Variants in WWOX observed in about 807,000 individuals in gnomAD.
WWOX encodes WW domain-containing oxidoreductase.
WWOX carries 69 observed loss-of-function variants against 46.2 expected under a neutral mutation model. The observed-to-expected ratio is 1.49, with a 90% CI of 1.23 to 1.82. The LOEUF (loss-of-function observed/expected upper bound fraction) is 1.82, where lower values mean the gene tolerates loss of function less well. Among genes scored for constraint, WWOX ranks in the 40% most tolerant of loss-of-function variants. The pLI is 0.00. For missense variants in WWOX, 919 were observed against 542.6 expected (o/e 1.69, Z -6.89); for synonymous variants, 359 against 202.6 (o/e 1.77, Z -6.56).
intron 5 of WWOX, among the ~76,000 whole-genome samples, chr16:78,307,636 A>C (rs1047745085): frequency 1.3e-5 from 2 of 152,182 alleles, no homozygotes; most frequent in African/African-American, 4.8e-5. Context: ...TGACGTCCAG[A>C]ATGATAAGAG....
chr16:79,181,554 A>C (rs1474994471), intron 8 of WWOX, among the ~76,000 whole-genome samples: 1 of 151,966 alleles, frequency 6.6e-6, no homozygotes, highest in Admixed American at 6.6e-5. Context: ...AACTCTTGGT[A>C]GGGGTTTTTT....
chr16:78,753,413 G>A (rs117513730), intron 8 of WWOX, among the ~76,000 whole-genome samples: 807 of 152,208 alleles, frequency 5.3e-3, no homozygotes, highest in Middle Eastern at 0.01. Context: ...ATTGGGGTTG[G>A]GAGGACCAGT....
At chr16:78,293,950 C>T (rs1337911288) in intron 5 of WWOX, among the ~76,000 whole-genome samples, 4 of 116,296 alleles carry the variant, frequency 3.4e-5, no homozygotes, top group Non-Finnish European at 1.6e-5. Context: ...GCACTCTAGC[C>T]TGGGCGACAG....
At chr16:78,353,628 A>G (rs538871332) in intron 5 of WWOX, among the ~76,000 whole-genome samples, 1 of 152,270 alleles carries the variant, frequency 6.6e-6, no homozygotes, top group East Asian at 1.9e-4. Flanking sequence ...AATTAGTATT[A>G]TCTTTGCCAT....
intron 8 of WWOX, among the ~76,000 whole-genome samples, chr16:78,539,114 C>G (rs1053382103): frequency 1.3e-5 from 2 of 152,218 alleles, no homozygotes; most frequent in Non-Finnish European, 2.9e-5. Flanking sequence ...TAACTTGTGC[C>G]TGCCTGTCTG....
intron 8 of WWOX, among the ~76,000 whole-genome samples, chr16:79,174,531 C>T (rs533351336): frequency 6.6e-6 from 1 of 152,204 alleles, no homozygotes; most frequent in African/African-American, 2.4e-5. Flanking sequence ...TGCCTATAAT[C>T]CCAGCTACTC....
rs200461412 is a variant in WWOX, at chr16:79,211,692, C to A, written c.1141C>A (p.Arg381Ser). Residue 381 changes from arginine (R) to serine (S), a missense_variant, in exon 9 of 9, where the codon CGC becomes AGC. Transcript: ENST00000566780. ...AGGGATGTACTTCAACAACTGCTGC[C>A]GCTGCATGCCCTCACCAGAAGCTCA... ...LGGMYFNNCCRCMPSPEAQSE... is the reference protein window; with the variant it reads ...LGGMYFNNCCSCMPSPEAQSE... 2 of 1,614,218 alleles carry A rather than the reference C, an allele frequency of 1.2e-6. No homozygotes were observed. The highest frequency in any genetic ancestry group is 1.7e-6 in the Non-Finnish European group (2 of 1,180,048).
At chr16:78,480,923 C>A (rs1246921341) in intron 8 of WWOX, among the ~76,000 whole-genome samples, 1 of 152,172 alleles carries the variant, frequency 6.6e-6, no homozygotes, top group African/African-American at 2.4e-5. Flanking sequence ...GCAAAAAGAT[C>A]AGTGTTTGGA....
chr16:78,374,927 C>T (rs1041245541), intron 5 of WWOX, among the ~76,000 whole-genome samples: 1 of 152,096 alleles, frequency 6.6e-6, no homozygotes, highest in African/African-American at 2.4e-5. Flanking sequence ...CTTAGGTGAT[C>T]TGCCTACCTC....
At chr16:79,134,241 GAGGGC>G in intron 8 of WWOX, among the ~76,000 whole-genome samples, 1 of 152,132 alleles carries the variant, frequency 6.6e-6, no homozygotes, top group Non-Finnish European at 1.5e-5. Flanking sequence ...AATAACTGCT[GAGGGC>G]AGTACATGTT....
chr16:78,192,565 G>A (rs1310566658), intron 5 of WWOX, among the ~76,000 whole-genome samples: 4 of 151,198 alleles, frequency 2.6e-5, no homozygotes, highest in Admixed American at 6.6e-5. Context: ...GAGGAAATAC[G>A]TGAACATATG....
At chr16:78,919,809 C>G (rs2045336570) in intron 8 of WWOX, among the ~76,000 whole-genome samples, 1 of 152,156 alleles carries the variant, frequency 6.6e-6, no homozygotes, top group African/African-American at 2.4e-5. Flanking sequence ...GCCACTGCAC[C>G]TGACTAAGTG....
intron 8 of WWOX, among the ~76,000 whole-genome samples, chr16:78,777,435 G>C (rs889247706): frequency 6.6e-6 from 1 of 152,178 alleles, no homozygotes; most frequent in African/African-American, 2.4e-5. Context: ...TTAAGTAGCT[G>C]ATGTGTCTAG....
At chr16:78,229,823 TC>T (rs1369149206) in intron 5 of WWOX, among the ~76,000 whole-genome samples, 1 of 152,132 alleles carries the variant, frequency 6.6e-6, no homozygotes, top group Non-Finnish European at 1.5e-5. Context: ...TTGTTCTTTC[TC>T]CCCAAGAGCC....
intron 6 of WWOX, among the ~76,000 whole-genome samples, chr16:78,418,678 CATAAT>C (rs985761260): frequency 4.6e-5 from 7 of 151,996 alleles, no homozygotes; most frequent in Admixed American, 4.6e-4. Flanking sequence ...TATAATATAA[CATAAT>C]AGTAGAATAA....
At chr16:78,373,674 ATG>A (rs2081749776) in intron 5 of WWOX, among the ~76,000 whole-genome samples, 1 of 151,954 alleles carries the variant, frequency 6.6e-6, no homozygotes, top group Non-Finnish European at 1.5e-5. Context: ...CTGCCTTTCA[ATG>A]TGTGAATTTA....
chr16:78,651,213 C>T lies in WWOX; in HGVS notation c.1056+218461C>T, dbSNP rs117304528. Among the ~76,000 whole-genome samples the T allele has an allele frequency of 1.8e-4, 27 of 152,350 alleles. No homozygotes were observed. In the East Asian group the frequency reaches 5.2e-3, roughly 29 times the overall value. The stretch of plus-strand genomic sequence containing the variant: ...CTGTACAGCATCTTTACTTAATCTG[C>T]CCTCTTTCACGTGTGTGCATCCCTG... On this transcript the variant is annotated intron_variant, in intron 8 of 8. Transcript: ENST00000566780.
rs183739014 is a variant in WWOX, at chr16:78,649,072, C to T, written c.1056+216320C>T. Among the ~76,000 whole-genome samples the T allele has an allele frequency of 4.6e-3, 704 of 152,246 alleles. 31 individuals are homozygous for T. The highest frequency in any genetic ancestry group is 0.04 in the Admixed American group (606 of 15,300). ...CACTGCAAACTCCACCTCCCAGGTT[C>T]AAGGGATTCTCCTGCCTCAGTCTCC... On this transcript the variant is annotated intron_variant, in intron 8 of 8. Transcript: ENST00000566780.
intron 8 of WWOX, among the ~76,000 whole-genome samples, chr16:78,748,168 C>G (rs1242722101): frequency 6.6e-6 from 1 of 152,116 alleles, no homozygotes; most frequent in Non-Finnish European, 1.5e-5. Context: ...TTGCCGAATT[C>G]CTGAGCTACA....
Sources: allele counts gnomAD v4.1 joint callset (sites outside exome capture counted in the v4.1 genomes callset), GRCh38; gene constraint gnomAD v4.1.1; transcripts MANE v1.5; gene names NCBI Gene and HGNC (gene_info 2026-07-23, HGNC 2026-07-21).